GPR149: variants seen among roughly 807,000 people sequenced by gnomAD.
The protein encoded by GPR149 is G protein-coupled receptor 149.
In GPR149, 50 loss-of-function variants were observed where a neutral mutation model predicts 50.2. The observed-to-expected ratio is 1.00, with a 90% CI of 0.79 to 1.26. The LOEUF (loss-of-function observed/expected upper bound fraction) is 1.26. Ranked by LOEUF, GPR149 falls within the 50% of genes most tolerant of loss-of-function variation. The probability of loss-of-function intolerance (pLI) is 0.00; values close to 1 mark genes in which losing one functional copy is unlikely to be tolerated. For synonymous variants in GPR149, 405 were observed against 358.2 expected (o/e 1.13, Z -1.48); for missense variants, 983 against 895.4 (o/e 1.10, Z -1.25).
At chr3:154,357,332 G>T (rs978968373) in intron 3 of GPR149, among the ~76,000 whole-genome samples, 1 of 151,990 alleles carries the variant, frequency 6.6e-6, no homozygotes, top group Non-Finnish European at 1.5e-5. Flanking sequence ...ATTGACAAAT[G>T]GGATCTAATT....
intron 3 of GPR149, among the ~76,000 whole-genome samples, chr3:154,351,961 A>G (rs1042909753): frequency 6.6e-6 from 1 of 152,202 alleles, no homozygotes; most frequent in Admixed American, 6.5e-5. Context: ...GTATAACTGA[A>G]TAGGTAGATT....
At chr3:154,367,777 A>G (rs1283871254) in intron 3 of GPR149, among the ~76,000 whole-genome samples, 1 of 152,082 alleles carries the variant, frequency 6.6e-6, no homozygotes, top group East Asian at 1.9e-4. Flanking sequence ...TGGCATGGCT[A>G]AGGCAAGAAC....
intron 3 of GPR149, chr3:154,352,960 G>A (rs1276668351): frequency 2.1e-6 from 2 of 967,636 alleles, no homozygotes; most frequent in East Asian, 4.8e-5. Flanking sequence ...TGAATCACCA[G>A]GTCTACTTCA....
At chr3:154,395,443 T>C (rs1715267241) in intron 3 of GPR149, among the ~76,000 whole-genome samples, 1 of 86,190 alleles carries the variant, frequency 1.2e-5, no homozygotes, top group African/African-American at 3.6e-5. Context: ...AAATTATATA[T>C]ATATAAGTAT....
At chr3:154,340,495 T>C (rs1030684536) in intron 3 of GPR149, among the ~76,000 whole-genome samples, 4 of 152,232 alleles carry the variant, frequency 2.6e-5, no homozygotes, top group Non-Finnish European at 5.9e-5. Context: ...AGTAAGGATG[T>C]ACATGATTCT....
chr3:154,375,568 C>T (rs1021730019), intron 3 of GPR149, among the ~76,000 whole-genome samples: 2 of 152,186 alleles, frequency 1.3e-5, no homozygotes, highest in African/African-American at 2.4e-5. Context: ...TCTCATATTC[C>T]CTAGTTGCAG....
At position 154,360,501 on chromosome 3, in the gene GPR149, A is replaced by T. The variant is rs539575983; in HGVS notation, c.1624-22230T>A. ...TATTACGATTATCCCCATTTTACAG[A>T]TGAGAACATTGAGATGCACAGATGT... On this transcript the variant is annotated intron_variant, in intron 3 of 3. Transcript: ENST00000389740. Among the ~76,000 whole-genome samples, 8 of 152,330 alleles carry T rather than the reference A, an allele frequency of 5.3e-5. No individual in the cohort carries two copies. The South Asian group carries it at 1.5e-3, about 28-fold the overall frequency.
chr3:154,416,908 G>A (rs909362442), intron 3 of GPR149, among the ~76,000 whole-genome samples: 1 of 151,790 alleles, frequency 6.6e-6, no homozygotes, highest in Non-Finnish European at 1.5e-5. Flanking sequence ...AAAAGTTTCA[G>A]GATATCTATG....
chr3:154,383,697 G>C (rs1270504190), intron 3 of GPR149, among the ~76,000 whole-genome samples: 1 of 152,058 alleles, frequency 6.6e-6, no homozygotes, highest in East Asian at 1.9e-4. Flanking sequence ...TATTTGAGGA[G>C]ATGCTATGGT....
At chr3:154,428,226 G>A (rs1712365608) in intron 1 of GPR149, among the ~76,000 whole-genome samples, 1 of 152,168 alleles carries the variant, frequency 6.6e-6, no homozygotes, top group South Asian at 2.1e-4. Flanking sequence ...GATGGGCGTC[G>A]TCCTCTCTAG....
At chr3:154,415,676 T>C (rs904762544) in intron 3 of GPR149, among the ~76,000 whole-genome samples, 1 of 151,940 alleles carries the variant, frequency 6.6e-6, no homozygotes, top group Admixed American at 6.6e-5. Flanking sequence ...CCAGATATTT[T>C]ATACAACAAA....
In GPR149 at chr3:154,391,678, C is replaced by A. The variant is rs558994747; in HGVS notation, c.1623+29361G>T. Among the ~76,000 whole-genome samples the A allele has an allele frequency of 2.0e-5, 3 of 151,706 alleles. No individual in the cohort carries two copies. In the South Asian group the frequency reaches 6.2e-4, roughly 32 times the overall value. The stretch of plus-strand genomic sequence containing the variant: ...ATGTAGCTGAATGGATGAAAAAAAA[C>A]AAGATCCAACTTATATTGGATCAAT... On this transcript the variant is annotated intron_variant, in intron 3 of 3. Transcript: ENST00000389740.
chr3:154,382,080 G>C (rs1714941314), intron 3 of GPR149, among the ~76,000 whole-genome samples: 1 of 152,132 alleles, frequency 6.6e-6, no homozygotes, highest in African/African-American at 2.4e-5. Context: ...ATATCTCTGA[G>C]AGTTTTCAAG....
At chr3:154,428,124 T>A (rs1712360642) in intron 1 of GPR149, among the ~76,000 whole-genome samples, 1 of 152,152 alleles carries the variant, frequency 6.6e-6, no homozygotes, top group South Asian at 2.1e-4. Context: ...CTTAATCGGC[T>A]TCCTCCTGGA....
At chr3:154,407,521 T>G (rs1427322726) in intron 3 of GPR149, among the ~76,000 whole-genome samples, 2 of 151,944 alleles carry the variant, frequency 1.3e-5, no homozygotes, top group African/African-American at 4.8e-5. Context: ...GGAAAGGAAG[T>G]AAATAAGAAA....
rs1453810325 is a variant in GPR149 at position 154,337,071 on chromosome 3, T to G, written c.*628A>C. 6.6e-6 allele frequency: 1 copy of G among 151,968 alleles called. No homozygotes were observed. The highest frequency in any genetic ancestry group is 1.9e-4 in the East Asian group (1 of 5,188). 9.4% of individuals were successfully genotyped at this position (151,968 alleles called of 1,614,324 possible). A position where few individuals can be genotyped will look rare whatever the true frequency, so the allele number is the denominator to read the frequency against. ...AAGATGAAAGGAAAACTGTTATAGG[T>G]AAGAAAAAAAGAAAAAACAGTAAAC... On this transcript the variant is annotated 3_prime_UTR_variant, in exon 4 of 4. Transcript: ENST00000389740.
intron 3 of GPR149, chr3:154,353,451 G>A (rs759032958): frequency 6.8e-5 from 66 of 965,178 alleles, no homozygotes; most frequent in Non-Finnish European, 3.2e-5. Flanking sequence ...TAAATCTAAC[G>A]TTTGATCCAC....
Position 154,342,221 on chromosome 3 carries a change from A to G in GPR149, c.1624-3950T>C, listed in dbSNP as rs145536418. On this transcript the variant is annotated intron_variant, in intron 3 of 3. Transcript: ENST00000389740. The stretch of plus-strand genomic sequence containing the variant: ...ATACTATAAACAAAAGTGAAAGACT[A>G]AAGGCAGCTCAGAAGGATATATTTG... Among the ~76,000 whole-genome samples the G allele has an allele frequency of 2.0e-5, 3 of 152,336 alleles. 1 individual carries two copies. Among genetic ancestry groups the G allele is most frequent in the African/African-American group, 4.8e-5 (2 of 41,578 alleles).
At chr3:154,388,504 T>C (rs1001999433) in intron 3 of GPR149, among the ~76,000 whole-genome samples, 2 of 152,148 alleles carry the variant, frequency 1.3e-5, no homozygotes, top group Non-Finnish European at 2.9e-5. Flanking sequence ...TTTTTCTTAG[T>C]TTCTATATAC....
Sources: allele counts gnomAD v4.1 joint callset (sites outside exome capture counted in the v4.1 genomes callset), GRCh38; gene constraint gnomAD v4.1.1; transcripts MANE v1.5; gene names NCBI Gene and HGNC (gene_info 2026-07-23, HGNC 2026-07-21).